Variants in TRDN observed in about 807,000 individuals in gnomAD.
TRDN encodes the protein triadin.
A neutral mutation model predicts 149.7 loss-of-function variants in TRDN; 161 were observed. The ratio of observed to expected loss-of-function variants is 1.08; its 90% confidence interval spans 0.95 to 1.23. TRDN has a LOEUF of 1.23. Ranked by LOEUF, TRDN falls within the 50% of genes most tolerant of loss-of-function variation. The pLI is 0.00. For synonymous variants in TRDN, 294 were observed against 250.5 expected, an observed-to-expected ratio of 1.17 and a Z score of -1.64; for missense variants, 896 against 823.5, an observed-to-expected ratio of 1.09 and a Z score of -1.08.
intron 1 of TRDN, among the ~76,000 whole-genome samples, chr6:123,605,172 T>C (rs1484925851): frequency 6.6e-6 from 1 of 151,010 alleles, no homozygotes; most frequent in Non-Finnish European, 1.5e-5. Context: ...TTGCCTTCTA[T>C]CCTCATTTTA....
chr6:123,618,898 C>G (rs527960694), intron 1 of TRDN, among the ~76,000 whole-genome samples: 1 of 152,162 alleles, frequency 6.6e-6, no homozygotes, highest in East Asian at 1.9e-4. Flanking sequence ...ATGAATTTCT[C>G]TCCAGTAACT....
At chr6:123,237,092 G>T (rs1488558265) in intron 38 of TRDN, among the ~76,000 whole-genome samples, 1 of 151,786 alleles carries the variant, frequency 6.6e-6, no homozygotes, top group Non-Finnish European at 1.5e-5. Context: ...TCACCTTGTG[G>T]TTTTCAACAT....
intron 9 of TRDN, chr6:123,489,379 T>C (rs943456014): frequency 1.3e-5 from 2 of 152,140 alleles, no homozygotes; most frequent in South Asian, 4.1e-4. Context: ...GAGTTTATAT[T>C]TTTCCCATTG....
intron 1 of TRDN, among the ~76,000 whole-genome samples, chr6:123,574,663 A>C (rs1365216227): frequency 1.3e-5 from 2 of 151,678 alleles, no homozygotes; most frequent in African/African-American, 2.4e-5. Context: ...GAACACAAGA[A>C]TTTGCTTTTG....
intron 31 of TRDN, 101 bp downstream of exon 31, chr6:123,269,748 C>A: frequency 4.3e-6 from 5 of 1,158,788 alleles, no homozygotes; most frequent in East Asian, 5.3e-5. Context: ...TAGACACAGA[C>A]AACACTGAAA....
chr6:123,478,515 G>T (rs1455542174), intron 9 of TRDN, among the ~76,000 whole-genome samples: 1 of 152,128 alleles, frequency 6.6e-6, no homozygotes, highest in African/African-American at 2.4e-5. Flanking sequence ...TTTGCGTATA[G>T]GTAAGGAAAA....
chr6:123,277,868 A>G (rs886672869), intron 26 of TRDN, among the ~76,000 whole-genome samples: 2 of 152,210 alleles, frequency 1.3e-5, no homozygotes, highest in African/African-American at 4.8e-5. Context: ...TAATACAATT[A>G]TGAAACATTA....
At chr6:123,600,117 C>T (rs1437788165) in intron 1 of TRDN, among the ~76,000 whole-genome samples, 1 of 151,956 alleles carries the variant, frequency 6.6e-6, no homozygotes, top group Non-Finnish European at 1.5e-5. Context: ...TACTGAATGC[C>T]ACATGATGCC....
At position 123,286,843 on chromosome 6, in the gene TRDN, G is replaced by A. The variant is rs78806566; in HGVS notation, c.1511-7761C>T. Among the ~76,000 whole-genome samples, 1,149 of 152,080 alleles carry A rather than the reference G, an allele frequency of 7.6e-3. 10 individuals are homozygous for A. Among genetic ancestry groups the A allele is most frequent in the Non-Finnish European group, 9.5e-3 (646 of 67,970 alleles). On this transcript the variant is annotated intron_variant, in intron 24 of 40. Transcript: ENST00000334268. Reference sequence around the variant, plus strand: ...TCAAAGTGTACTTTCCAGAGCAGCAGCAGCAGCAGCAGCACCTGGGGAGTT... The same window carrying A: ...TCAAAGTGTACTTTCCAGAGCAGCAACAGCAGCAGCAGCACCTGGGGAGTT...
intron 9 of TRDN, among the ~76,000 whole-genome samples, chr6:123,471,922 C>G (rs1042309642): frequency 6.6e-6 from 1 of 152,042 alleles, no homozygotes; most frequent in Non-Finnish European, 1.5e-5. Context: ...TGGGATATAA[C>G]AAAAATAGAT....
At chr6:123,260,846 T>C (rs1284205346) in intron 33 of TRDN, among the ~76,000 whole-genome samples, 1 of 151,650 alleles carries the variant, frequency 6.6e-6, no homozygotes, top group African/African-American at 2.4e-5. Flanking sequence ...ATTTTGAAAA[T>C]AGAACAAATA....
At chr6:123,391,542 A>T (rs1039184114) in intron 13 of TRDN, among the ~76,000 whole-genome samples, 4 of 151,970 alleles carry the variant, frequency 2.6e-5, no homozygotes, top group African/African-American at 9.7e-5. Context: ...TAGATCTCCA[A>T]ATTGGAATTT....
At chr6:123,378,484 G>T (rs1272726039) in intron 16 of TRDN, among the ~76,000 whole-genome samples, 3 of 151,582 alleles carry the variant, frequency 2.0e-5, no homozygotes, top group African/African-American at 7.3e-5. Context: ...GTGTGTGTGT[G>T]TGTGTGTGTG....
At chr6:123,503,688 C>T (rs753314189) in intron 8 of TRDN, 31 bp downstream of exon 8, 1 of 1,612,842 alleles carries the variant, frequency 6.2e-7, no homozygotes, top group South Asian at 1.1e-5. Flanking sequence ...TCTCTTAGAA[C>T]CTCCGGCAGC....
At position 123,352,605 on chromosome 6, in the gene TRDN, G is replaced by T. The variant is rs1554227291; in HGVS notation, c.1322-19C>A. On this transcript the variant is annotated intron_variant, in intron 20 of 40. Transcript: ENST00000334268. Reference sequence around the variant, plus strand: ...GGTACAGCTGCAAAACAAAGATAAGGTTTAAAGAAGAGTTCCAGACAGAAA... The same window carrying T: ...GGTACAGCTGCAAAACAAAGATAAGTTTTAAAGAAGAGTTCCAGACAGAAA... The T allele has an allele frequency of 2.5e-6, 4 of 1,604,910 alleles. No individual in the cohort carries two copies. The highest frequency in any genetic ancestry group is 1.7e-5 in the Admixed American group (1 of 58,536).
At chr6:123,263,860 T>C (rs923924291) in intron 33 of TRDN, among the ~76,000 whole-genome samples, 3 of 152,178 alleles carry the variant, frequency 2.0e-5, no homozygotes, top group Middle Eastern at 3.4e-3. Context: ...TCTGCCTGTG[T>C]TCTATAACTG....
chr6:123,327,825 A>G (rs1459450216), intron 23 of TRDN, among the ~76,000 whole-genome samples: 1 of 152,126 alleles, frequency 6.6e-6, no homozygotes, highest in Non-Finnish European at 1.5e-5. Context: ...CTCCATTGGT[A>G]CTATATCTGA....
At chr6:123,516,985 A>G (rs1166370092) in intron 5 of TRDN, among the ~76,000 whole-genome samples, 2 of 152,054 alleles carry the variant, frequency 1.3e-5, no homozygotes, top group Non-Finnish European at 2.9e-5. Flanking sequence ...ATTTATTTAT[A>G]CAAGAATATA....
intron 1 of TRDN, among the ~76,000 whole-genome samples, chr6:123,585,337 A>G (rs1783408181): frequency 6.6e-6 from 1 of 151,946 alleles, no homozygotes; most frequent in African/African-American, 2.4e-5. Context: ...TTGGCACCAG[A>G]GTTGGGGACT....
Sources: gnomAD v4.1 joint callset for allele counts (sites outside exome capture counted in the v4.1 genomes callset) on GRCh38, gnomAD v4.1.1 for gene constraint, MANE v1.5 for transcripts, NCBI Gene and HGNC (gene_info 2026-07-23, HGNC 2026-07-21) for gene names.